The following CDH13 variants were observed in gnomAD, a reference collection of about 807,000 sequenced individuals.
The protein encoded by CDH13 is cadherin 13.
CDH13 carries 24 observed loss-of-function variants against 63.8 expected under a neutral mutation model. The observed-to-expected ratio is 0.38, with a 90% CI of 0.27 to 0.53. The LOEUF is 0.53. CDH13 is among the 20% of genes least tolerant of loss of function. CDH13 has a pLI of 0.85. For synonymous variants in CDH13, 503 were observed against 355.3 expected, an observed-to-expected ratio of 1.42 and a Z score of -4.67; for missense variants, 1,049 against 903.1, an observed-to-expected ratio of 1.16 and a Z score of -2.07.
At chr16:82,907,476 T>C (rs1168418108) in intron 2 of CDH13, among the ~76,000 whole-genome samples, 3 of 152,224 alleles carry the variant, frequency 2.0e-5, no homozygotes, top group Non-Finnish European at 4.4e-5. Flanking sequence ...GACCCATCTA[T>C]GAAATATCCA....
At chr16:83,379,200 T>G (rs372108318) in intron 6 of CDH13, among the ~76,000 whole-genome samples, 2 of 152,332 alleles carry the variant, frequency 1.3e-5, no homozygotes, top group East Asian at 3.9e-4. Context: ...ATTCTGCATC[T>G]TCACCAAAGT....
At chr16:83,054,571 AC>A (rs71382862) in intron 3 of CDH13, among the ~76,000 whole-genome samples, 6,529 of 152,228 alleles carry the variant, frequency 0.043, 194 homozygotes, top group Middle Eastern at 0.075. Context: ...AGAATTTAAA[AC>A]TTACAAATTA....
chr16:82,809,850 A>T (rs1205562806), intron 1 of CDH13, among the ~76,000 whole-genome samples: 1 of 152,166 alleles, frequency 6.6e-6, no homozygotes, highest in Non-Finnish European at 1.5e-5. Flanking sequence ...GCAGTAAAAG[A>T]AGTGGATTAG....
In CDH13 at chr16:83,301,025, G is replaced by GTTTTTTTTTTT. The variant is rs3052591; in HGVS notation, c.637-43823_637-43813dup. ...GAACTGATACATATAACTTTCTGGG[G>GTTTTTTTTTTT]TTTTTTTTTTTTTTTTTTTTTTTTG... On this transcript the variant is annotated intron_variant, in intron 5 of 13. Coordinates refer to ENST00000567109, the MANE Select transcript of CDH13 (RefSeq NM_001257.5). Among the ~76,000 whole-genome samples, 156 of 78,782 alleles carry GTTTTTTTTTTT rather than the reference G, an allele frequency of 2.0e-3. 16 individuals are homozygous for GTTTTTTTTTTT. The highest frequency in any genetic ancestry group is 2.2e-3 in the Non-Finnish European group (102 of 46,370). 51.7% of individuals were successfully genotyped at this position (78,782 alleles called of 152,430 possible).
intron 7 of CDH13, among the ~76,000 whole-genome samples, chr16:83,585,238 C>G (rs1165164007): frequency 1.3e-5 from 2 of 152,184 alleles, no homozygotes; most frequent in African/African-American, 4.8e-5. Flanking sequence ...TTCCTGCACT[C>G]TATAACTACT....
intron 5 of CDH13, among the ~76,000 whole-genome samples, chr16:83,288,793 C>G (rs1470503500): frequency 1.3e-5 from 2 of 152,230 alleles, no homozygotes; most frequent in South Asian, 2.1e-4. Flanking sequence ...GCAGTGCAAT[C>G]ACTTGAAATG....
intron 3 of CDH13, among the ~76,000 whole-genome samples, chr16:83,110,470 C>T (rs751999092): frequency 6.6e-6 from 1 of 152,134 alleles, no homozygotes; most frequent in Non-Finnish European, 1.5e-5. Context: ...AGGGGTGCCT[C>T]CCAGAACACA....
At chr16:83,550,341 G>A (rs570285554) in intron 7 of CDH13, among the ~76,000 whole-genome samples, 9 of 152,338 alleles carry the variant, frequency 5.9e-5, no homozygotes, top group South Asian at 2.1e-4. Flanking sequence ...TTGTCAACAC[G>A]TCTGGCAAAG....
chr16:83,087,694 A>AAAG (rs2033680199), intron 3 of CDH13, among the ~76,000 whole-genome samples: 3 of 151,184 alleles, frequency 2.0e-5, no homozygotes, highest in Non-Finnish European at 2.9e-5. Context: ...AAAAAAAAAA[A>AAAG]AAAGCCTAGC....
chr16:82,812,191 G>A (rs544899111), intron 1 of CDH13, among the ~76,000 whole-genome samples: 2 of 152,238 alleles, frequency 1.3e-5, no homozygotes, highest in African/African-American at 4.8e-5. Context: ...GCCCCTCTTC[G>A]AAGGATCCTG....
intron 2 of CDH13, among the ~76,000 whole-genome samples, chr16:83,024,785 A>C (rs1238339670): frequency 1.3e-5 from 2 of 152,244 alleles, no homozygotes; most frequent in African/African-American, 4.8e-5. Context: ...ATCGAACAAA[A>C]CTTTGTTGAT....
chr16:83,511,534 C>G (rs1391166355), intron 7 of CDH13, among the ~76,000 whole-genome samples: 1 of 151,774 alleles, frequency 6.6e-6, no homozygotes, highest in Non-Finnish European at 1.5e-5. Flanking sequence ...TACACATACA[C>G]TCATACATTC....
intron 8 of CDH13, among the ~76,000 whole-genome samples, chr16:83,626,771 G>A (rs750296697): frequency 1.3e-5 from 2 of 152,008 alleles, no homozygotes; most frequent in Non-Finnish European, 2.9e-5. Flanking sequence ...ACTTTGGGTC[G>A]AGACTGCCGA....
intron 1 of CDH13, among the ~76,000 whole-genome samples, chr16:82,844,098 A>G (rs1209982579): frequency 6.6e-6 from 1 of 152,180 alleles, no homozygotes; most frequent in African/African-American, 2.4e-5. Flanking sequence ...TGTCAAGGTT[A>G]CCTGTATGAC....
At chr16:83,541,120 G>A (rs2075288973) in intron 7 of CDH13, among the ~76,000 whole-genome samples, 1 of 152,096 alleles carries the variant, frequency 6.6e-6, no homozygotes, top group African/African-American at 2.4e-5. Context: ...CAGCCCAGCT[G>A]CCACCTCCAG....
intron 8 of CDH13, among the ~76,000 whole-genome samples, chr16:83,644,435 A>G (rs1355153503): frequency 6.6e-6 from 1 of 152,246 alleles, no homozygotes; most frequent in African/African-American, 2.4e-5. Flanking sequence ...AAATGCTTGA[A>G]TGTACATCTT....
At chr16:83,584,891 A>G (rs2150727806) in intron 7 of CDH13, among the ~76,000 whole-genome samples, 1 of 149,570 alleles carries the variant, frequency 6.7e-6, no homozygotes, top group Non-Finnish European at 1.5e-5. Context: ...CATGGCAAAA[A>G]CAGAAGCAAG....
At chr16:83,155,183 G>C (rs142902906) in intron 4 of CDH13, among the ~76,000 whole-genome samples, 1 of 152,302 alleles carries the variant, frequency 6.6e-6, no homozygotes, top group African/African-American at 2.4e-5. Flanking sequence ...TCTTCCCTGA[G>C]AAATATTGGA....
chr16:83,052,006 C>G (rs1048827791), intron 3 of CDH13, among the ~76,000 whole-genome samples: 3 of 151,894 alleles, frequency 2.0e-5, no homozygotes, highest in African/African-American at 7.3e-5. Flanking sequence ...GAGAATAATT[C>G]AGATATTGTA....
Sources: gnomAD v4.1 joint callset for allele counts (sites outside exome capture counted in the v4.1 genomes callset) on GRCh38, gnomAD v4.1.1 for gene constraint, MANE v1.5 for transcripts, NCBI Gene and HGNC (gene_info 2026-07-23, HGNC 2026-07-21) for gene names.